IL31RA: variants seen among roughly 807,000 people sequenced by gnomAD.
The protein encoded by IL31RA is interleukin 31 receptor A, also known as interleukin-31 receptor subunit alpha.
In IL31RA, 66 loss-of-function variants were observed where a neutral mutation model predicts 83.7. The ratio of observed to expected loss-of-function variants is 0.79; its 90% confidence interval spans 0.65 to 0.97. The LOEUF is 0.97. Among genes scored for constraint, IL31RA ranks in the 50% least tolerant of loss-of-function variants. IL31RA has a pLI of 0.00. For synonymous variants in IL31RA, 325 were observed against 329.0 expected (o/e 0.99, Z 0.13); for missense variants, 798 against 919.4 (o/e 0.87, Z 1.71).
chr5:55,884,912 C>A (rs777253983), intron 5 of IL31RA, among the ~76,000 whole-genome samples: 5 of 152,116 alleles, frequency 3.3e-5, no homozygotes, highest in Non-Finnish European at 7.4e-5. Context: ...TATTTAGAAT[C>A]CTGTTTGGTC....
chr5:55,875,998 T>C (rs530692632), intron 4 of IL31RA, among the ~76,000 whole-genome samples: 8 of 152,322 alleles, frequency 5.3e-5, no homozygotes, highest in African/African-American at 1.9e-4. Flanking sequence ...AGCATAATAA[T>C]TTTATAATAA....
In IL31RA at chr5:55,917,077, TTG is replaced by T; in HGVS notation, c.2256_2257del (p.Ser753Ter). The T allele has an allele frequency of 6.2e-7, 1 of 1,614,246 alleles. No individual in the cohort carries two copies. The highest frequency in any genetic ancestry group is 8.5e-7 in the Non-Finnish European group (1 of 1,180,050). ...AATTCAGTGACAGCCAGGGAATTTCTTGTGTCTGAAAAACTTCCAGAGCACAC... is the reference window on the plus strand; with the variant it reads ...AATTCAGTGACAGCCAGGGAATTTCTTGTCTGAAAAACTTCCAGAGCACAC... On this transcript the variant is annotated frameshift_variant, in exon 15 of 15. Coordinates refer to ENST00000652347, the MANE Select transcript of IL31RA (RefSeq NM_139017.7). LOFTEE classifies it low-confidence loss of function (END_TRUNC).
intron 5 of IL31RA, among the ~76,000 whole-genome samples, chr5:55,886,780 C>T (rs189786893): frequency 3.3e-5 from 5 of 152,306 alleles, no homozygotes. Context: ...GTTTCCCTTG[C>T]ATCATGTTCT....
intron 5 of IL31RA, among the ~76,000 whole-genome samples, chr5:55,886,133 T>A (rs1561096759): frequency 6.6e-6 from 1 of 152,118 alleles, no homozygotes; most frequent in Non-Finnish European, 1.5e-5. Context: ...CCCACATCTG[T>A]ACTCATCTTT....
At chr5:55,896,206 T>A in intron 6 of IL31RA, 144 bp from the exon 7 acceptor site, 1 of 708,924 alleles carries the variant, frequency 1.4e-6, no homozygotes, top group South Asian at 1.5e-5. Context: ...CTTTGGTCAT[T>A]GCAAAGCTGC....
intron 4 of IL31RA, 138 bp downstream of exon 4, chr5:55,872,589 C>A: frequency 5.2e-6 from 1 of 192,018 alleles, no homozygotes; most frequent in Non-Finnish European, 9.9e-6. Context: ...AATTCATCTT[C>A]TAATTAAAGA....
Position 55,903,319 on chromosome 5 carries a change from A to C in IL31RA, c.1070-2787A>C, listed in dbSNP as rs973942848. Among the ~76,000 whole-genome samples the C allele has an allele frequency of 6.6e-6, 1 of 152,252 alleles. No homozygotes were observed. Among genetic ancestry groups the C allele is most frequent in the Non-Finnish European group, 1.5e-5 (1 of 68,030 alleles). ...ACGTGAGCCCCGGGTGACTGTCTTC[A>C]TGCAGATCACAAGAAATCAATGGCT... On this transcript the variant is annotated intron_variant, in intron 8 of 14. Coordinates refer to ENST00000652347, the MANE Select transcript of IL31RA (RefSeq NM_139017.7). The surrounding 1 kb of genome is among the most constrained non-coding windows in gnomAD (Gnocchi z 4.7).
At chr5:55,852,876 A>C (rs1420897792) in intron 1 of IL31RA, among the ~76,000 whole-genome samples, 1 of 152,222 alleles carries the variant, frequency 6.6e-6, no homozygotes, top group African/African-American at 2.4e-5. Flanking sequence ...TAAAGTGGGA[A>C]TAAAAATACT....
At chr5:55,865,319 C>T (rs1410961904) in intron 2 of IL31RA, among the ~76,000 whole-genome samples, 3 of 152,116 alleles carry the variant, frequency 2.0e-5, no homozygotes, top group Non-Finnish European at 2.9e-5. Flanking sequence ...TTGTTGGATG[C>T]GTGCTGTGGG....
upstream of IL31RA, among the ~76,000 whole-genome samples, chr5:55,848,976 A>G (rs1451862980): frequency 6.6e-6 from 1 of 152,252 alleles, no homozygotes; most frequent in African/African-American, 2.4e-5. Flanking sequence ...CTAGGAGGAA[A>G]TGGTTGAGGT....
intron 4 of IL31RA, among the ~76,000 whole-genome samples, chr5:55,881,767 G>C (rs1050706282): frequency 8.8e-6 from 1 of 114,014 alleles, no homozygotes; most frequent in African/African-American, 3.5e-5. Context: ...TCACTGTGTC[G>C]CCCAGGCTGG....
rs541834884 is a variant in IL31RA, at chr5:55,916,960, G to A, written c.2135G>A (p.Arg712His). ...CGTTCGAGGATGCCAGAGGGGACCCGCCCAGAAGCCAAAGAGCAGCTTCTC... is the reference window on the plus strand; with the variant it reads ...CGTTCGAGGATGCCAGAGGGGACCCACCCAGAAGCCAAAGAGCAGCTTCTC... ...YLRSRMPEGTRPEAKEQLLFS... is the reference protein window; with the variant it reads ...YLRSRMPEGTHPEAKEQLLFS... The change falls in exon 15 of 15, where the codon CGC becomes CAC. Residue 712 changes from arginine to histidine, a missense_variant. By Grantham distance (29) the Arg-to-His change is conservative. Coordinates refer to ENST00000652347, the MANE Select transcript of IL31RA (RefSeq NM_139017.7). 5.0e-6 allele frequency: 8 copies of A among 1,613,798 alleles called. No individual in the cohort carries two copies. Among genetic ancestry groups the A allele is most frequent in the South Asian group, 4.4e-5 (4 of 91,082 alleles).
chr5:55,873,673 AT>A (rs1746671699), intron 4 of IL31RA, among the ~76,000 whole-genome samples: 1 of 151,978 alleles, frequency 6.6e-6, no homozygotes, highest in South Asian at 2.1e-4. Flanking sequence ...AACATTTTTC[AT>A]GTGTTTATTG....
chr5:55,872,148 G>A (rs1376879571), intron 3 of IL31RA, 122 bp from the exon 4 acceptor site: 8 of 739,366 alleles, frequency 1.1e-5, no homozygotes, highest in Admixed American at 1.1e-4. Flanking sequence ...AAATATCCTG[G>A]ACTATACAGT....
At chr5:55,905,125 C>G (rs1749062437) in intron 8 of IL31RA, among the ~76,000 whole-genome samples, 1 of 150,106 alleles carries the variant, frequency 6.7e-6, no homozygotes, top group South Asian at 2.1e-4. Context: ...CACTTGAACC[C>G]AGGAGGTGGA....
intron 2 of IL31RA, among the ~76,000 whole-genome samples, chr5:55,860,610 A>G (rs933264345): frequency 1.3e-5 from 2 of 152,236 alleles, no homozygotes; most frequent in African/African-American, 2.4e-5. Flanking sequence ...ACTATTTGCC[A>G]TAAAGGGAAA....
chr5:55,876,870 C>T (rs911205565), intron 4 of IL31RA, among the ~76,000 whole-genome samples: 1 of 152,082 alleles, frequency 6.6e-6, no homozygotes, highest in African/African-American at 2.4e-5. Flanking sequence ...GTTGAGATTA[C>T]CAGCATAAGC....
chr5:55,868,932 A>C lies in IL31RA; in HGVS notation c.272+24A>C, dbSNP rs1746351566. 5.6e-6 allele frequency: 7 copies of C among 1,245,758 alleles called. No homozygotes were observed. The East Asian group carries it at 1.6e-4, about 29-fold the overall frequency. 77.2% of individuals were successfully genotyped at this position (1,245,758 alleles called of 1,614,324 possible). On this transcript the variant is annotated intron_variant, in intron 3 of 14. Transcript: ENST00000652347. ...TAGTAAGTACAGGAGCTTGTGTTTT[A>C]TCAGTCAGGGCATGGGGGAGGCAGA...
At chr5:55,912,374 G>A (rs1749547474) in intron 12 of IL31RA, among the ~76,000 whole-genome samples, 1 of 152,072 alleles carries the variant, frequency 6.6e-6, no homozygotes, top group Non-Finnish European at 1.5e-5. Flanking sequence ...TCCTTACCTT[G>A]TTGCTGCTTC....
Sources: gnomAD v4.1 joint callset for allele counts (sites outside exome capture counted in the v4.1 genomes callset) on GRCh38, gnomAD v4.1.1 for gene constraint, Gnocchi (gnomAD v3.1) non-coding constraint, MANE v1.5 for transcripts, NCBI Gene and HGNC (gene_info 2026-07-23, HGNC 2026-07-21) for gene names.